PATJ: variants seen among roughly 807,000 people sequenced by gnomAD.
PATJ encodes inaD-like protein.
A neutral mutation model predicts 224.9 loss-of-function variants in PATJ; 190 were observed. The ratio of observed to expected loss-of-function variants is 0.84; its 90% CI spans 0.75 to 0.95. The LOEUF is 0.95. Among genes scored for constraint, PATJ ranks in the 40% least tolerant of loss-of-function variants. PATJ has a pLI of 0.00. For missense variants in PATJ, 2,121 were observed against 2,270.3 expected (o/e 0.93, Z 1.34); for synonymous variants, 769 against 820.3 (o/e 0.94, Z 1.07).
At chr1:61,873,078 A>G (rs56192486) in intron 20 of PATJ, among the ~76,000 whole-genome samples, 11,378 of 152,276 alleles carry the variant, frequency 0.075, 502 homozygotes, top group South Asian at 0.15. Flanking sequence ...AGCAATAAAG[A>G]ATAACATAGT....
rs1553264643 is a variant in PATJ, at chr1:62,092,750, T to TTTATTTATTTATTTATTTA, written c.4377+8104_4377+8105insATTTATTTATTTATTTATT. Among the ~76,000 whole-genome samples, 430 of 151,084 alleles carry TTTATTTATTTATTTATTTA rather than the reference T, an allele frequency of 2.8e-3. 1 individual carries two copies. The highest frequency in any genetic ancestry group is 8.1e-3 in the African/African-American group (331 of 40,688). ...CTTTTATTTATTTATTTATTTATTT[T>TTTATTTATTTATTTATTTA]TTTATTTTTTGAGCCAAGTCTCGCT... is the stretch of plus-strand genomic sequence containing the variant. On this transcript the variant is annotated intron_variant, in intron 33 of 43. Coordinates refer to ENST00000642238, the MANE Select transcript of PATJ (RefSeq NM_001350145.3).
intron 22 of PATJ, among the ~76,000 whole-genome samples, chr1:61,894,261 A>AC (rs1302324397): frequency 6.0e-4 from 84 of 140,726 alleles, no homozygotes; most frequent in African/African-American, 2.4e-3. Context: ...TCTCATAAAA[A>AC]AAAAAAAACA....
chr1:61,936,787 G>T (rs1557902850), intron 27 of PATJ, among the ~76,000 whole-genome samples: 1 of 152,064 alleles, frequency 6.6e-6, no homozygotes, highest in Non-Finnish European at 1.5e-5. Context: ...GACCAGGCTG[G>T]TCTCAAACTC....
At chr1:61,853,398 G>T (rs1663143781) in intron 17 of PATJ, among the ~76,000 whole-genome samples, 2 of 152,180 alleles carry the variant, frequency 1.3e-5, no homozygotes, top group East Asian at 1.9e-4. Context: ...AAACAACTTG[G>T]TGCAACCATT....
intron 39 of PATJ, among the ~76,000 whole-genome samples, chr1:62,123,384 A>G (rs1336885074): frequency 6.6e-6 from 1 of 151,818 alleles, no homozygotes; most frequent in East Asian, 1.9e-4. Context: ...CATGTGGCAC[A>G]TACTAAATAA....
At chr1:62,143,757 G>C (rs1190096853) in intron 41 of PATJ, among the ~76,000 whole-genome samples, 1 of 152,070 alleles carries the variant, frequency 6.6e-6, no homozygotes, top group East Asian at 1.9e-4. Flanking sequence ...CCTAAGCTGG[G>C]ATTGTGAGCA....
At chr1:61,780,229 C>T (rs531722894) in intron 7 of PATJ, among the ~76,000 whole-genome samples, 13 of 152,056 alleles carry the variant, frequency 8.5e-5, no homozygotes, top group South Asian at 2.1e-4. Flanking sequence ...TTTGGGAGGC[C>T]GAGCTGGGTG....
At chr1:61,992,114 A>ACTCTTT (rs1370780986) in intron 28 of PATJ, among the ~76,000 whole-genome samples, 3 of 131,832 alleles carry the variant, frequency 2.3e-5, no homozygotes, top group African/African-American at 3.0e-5. Context: ...TCCCTGTGGG[A>ACTCTTT]TTCTTTTTTT....
At chr1:61,817,652 ACT>A (rs1557698589) in intron 14 of PATJ, among the ~76,000 whole-genome samples, 1 of 152,174 alleles carries the variant, frequency 6.6e-6, no homozygotes, top group African/African-American at 2.4e-5. Flanking sequence ...CAAGAGCGAA[ACT>A]CTGTCTCAAA....
At chr1:61,806,783 T>G (rs1233442481) in intron 13 of PATJ, among the ~76,000 whole-genome samples, 1 of 152,144 alleles carries the variant, frequency 6.6e-6, no homozygotes, top group Non-Finnish European at 1.5e-5. Flanking sequence ...ATCTTAGTGG[T>G]TTGGTATTCA....
rs1428608913 is a variant in PATJ at position 61,833,737 on chromosome 1, A to G, written c.2064A>G (p.Glu688=). 2 of 1,613,726 alleles carry G rather than the reference A, an allele frequency of 1.2e-6. No homozygotes were observed. The highest frequency in any genetic ancestry group is 2.7e-5 in the African/African-American group (2 of 75,030). The change falls in exon 17 of 44, where the codon GAA becomes GAG. Residue 688 remains glutamate, a synonymous_variant. Coordinates refer to ENST00000642238, the MANE Select transcript of PATJ (RefSeq NM_001350145.3). ...GGTCCCCTGAAGTCAAGATTGTTGA[A>G]CTAGTAAAAGATTGTAAAGGTTTGG... ...ALWSPEVKIV[E]LVKDCKGLGF...
chr1:61,790,223 AAG>A (rs1491037331), intron 8 of PATJ, among the ~76,000 whole-genome samples: 19 of 136,930 alleles, frequency 1.4e-4, no homozygotes, highest in East Asian at 1.2e-3. Flanking sequence ...AAAAAAAAAA[AAG>A]AAGAAGAAGA....
intron 27 of PATJ, among the ~76,000 whole-genome samples, chr1:61,966,571 A>G (rs1371596350): frequency 6.6e-6 from 1 of 151,878 alleles, no homozygotes; most frequent in Non-Finnish European, 1.5e-5. Flanking sequence ...CTGTAACCCC[A>G]GCTACTCAGG....
chr1:61,780,841 A>C (rs962042825), intron 7 of PATJ, among the ~76,000 whole-genome samples: 35 of 152,348 alleles, frequency 2.3e-4, no homozygotes, highest in African/African-American at 8.4e-4. Context: ...AATCCCATTG[A>C]GGCATTGTTG....
In PATJ at chr1:61,855,911, A is replaced by G. The variant is rs1663578393; in HGVS notation, c.2113-119A>G. ...TACCTGTTTAGAAGATTATCACCAG[A>G]GTGCCAGACACATGAAGTAAGTGGT... On this transcript the variant is annotated intron_variant, in intron 17 of 43. Coordinates refer to ENST00000642238, the MANE Select transcript of PATJ (RefSeq NM_001350145.3). 8.6e-6 allele frequency: 6 copies of G among 694,432 alleles called. No individual in the cohort carries two copies. The East Asian group carries it at 1.3e-4, about 15-fold the overall frequency. 43.0% of individuals were successfully genotyped at this position (694,432 alleles called of 1,614,324 possible). A position where few individuals can be genotyped will look rare whatever the true frequency, so the allele number is the denominator to read the frequency against.
intron 22 of PATJ, among the ~76,000 whole-genome samples, chr1:61,893,425 A>G (rs1475356971): frequency 2.0e-5 from 3 of 151,902 alleles, no homozygotes; most frequent in Non-Finnish European, 4.4e-5. Context: ...ACTTTTTAAA[A>G]TTAAGAAACA....
Position 61,791,409 on chromosome 1 carries a change from G to A in PATJ, c.1130G>A (p.Gly377Glu), listed in dbSNP as rs1649836132. 1.2e-6 allele frequency: 2 copies of A among 1,611,058 alleles called. No individual in the cohort carries two copies. The highest frequency in any genetic ancestry group is 1.7e-5 in the Admixed American group (1 of 59,984). The change falls in exon 9 of 44, where the codon GGA becomes GAA. Residue 377 changes from glycine to glutamate, a missense_variant. Gly to Glu is a moderately conservative substitution (Grantham distance 98). Transcript: ENST00000642238. ...ELVRKDGQSL[G>E]IRIVGYVGTS... The stretch of plus-strand genomic sequence containing the variant: ...GTGAGAAAAGATGGGCAGAGTCTTG[G>A]AATTAGAATTGTTGGCTATGTTGGA...
At chr1:62,064,806 A>G (rs1022992727) in intron 31 of PATJ, among the ~76,000 whole-genome samples, 10 of 152,260 alleles carry the variant, frequency 6.6e-5, no homozygotes, top group East Asian at 3.9e-4. Context: ...TTTACCCCCA[A>G]TTTGCACTCT....
chr1:61,815,108 T>G (rs1557694600), intron 14 of PATJ, among the ~76,000 whole-genome samples: 1 of 152,160 alleles, frequency 6.6e-6, no homozygotes. Context: ...AAATTGAGCA[T>G]AACTGGGGTG....
Sources: gnomAD v4.1 joint callset for allele counts (sites outside exome capture counted in the v4.1 genomes callset) on GRCh38, gnomAD v4.1.1 for gene constraint, MANE v1.5 for transcripts, NCBI Gene and HGNC (gene_info 2026-07-23, HGNC 2026-07-21) for gene names.